Variants in HOPX observed in about 807,000 individuals in gnomAD.
HOPX encodes the protein homeodomain-only protein.
HOPX carries 5 observed loss-of-function variants against 11.8 expected under a neutral mutation model. That is an observed-to-expected ratio of 0.43 (90% confidence interval 0.22 to 0.89). The LOEUF (loss-of-function observed/expected upper bound fraction) is 0.89. HOPX is among the 40% of genes least tolerant of loss of function. The pLI is 0.28. For missense variants in HOPX, 119 were observed against 120.0 expected (o/e 0.99, Z 0.04); for synonymous variants, 49 against 49.7 (o/e 0.99, Z 0.06).
intron 3 of HOPX, among the ~76,000 whole-genome samples, chr4:56,655,574 A>G (rs1717613008): frequency 7.4e-6 from 1 of 135,934 alleles, no homozygotes. Context: ...TGCCGGGGAG[A>G]GTGGAAAAGA....
At chr4:56,673,054 T>C (rs1718826225) in intron 1 of HOPX, among the ~76,000 whole-genome samples, 1 of 152,218 alleles carries the variant, frequency 6.6e-6, no homozygotes. Flanking sequence ...CTCCTTTCCC[T>C]TTCTGTTTCC....
chr4:56,651,459 T>A (rs891625521), intron 3 of HOPX, among the ~76,000 whole-genome samples: 3 of 152,254 alleles, frequency 2.0e-5, no homozygotes, highest in African/African-American at 7.2e-5. Flanking sequence ...CAGTGCTAAT[T>A]TTCCACCTGG....
At chr4:56,675,807 T>G (rs1171450716) in intron 1 of HOPX, among the ~76,000 whole-genome samples, 2 of 151,692 alleles carry the variant, frequency 1.3e-5, no homozygotes, top group African/African-American at 2.4e-5. Context: ...CCTGTTCCCC[T>G]GTTCCCCAAG....
intron 1 of HOPX, among the ~76,000 whole-genome samples, chr4:56,668,069 C>T (rs61495428): frequency 9.9e-5 from 15 of 152,194 alleles, no homozygotes; most frequent in African/African-American, 3.6e-4. Context: ...GGACTGCAGG[C>T]GCCCACCACC....
chr4:56,681,421 G>A, upstream of HOPX: 1 of 986,228 alleles, frequency 1.0e-6, no homozygotes, highest in Non-Finnish European at 1.2e-6. Flanking sequence ...AGCGTGGGCA[G>A]GAGGTAAACC....
chr4:56,650,780 C>T (rs1311740533), intron 3 of HOPX: 2 of 1,550,586 alleles, frequency 1.3e-6, no homozygotes, highest in East Asian at 2.4e-5. Context: ...TTTCTGGGTG[C>T]CATATTTTGC....
At chr4:56,652,016 G>A (rs987658257) in intron 3 of HOPX, among the ~76,000 whole-genome samples, 2 of 152,058 alleles carry the variant, frequency 1.3e-5, no homozygotes, top group African/African-American at 4.8e-5. Flanking sequence ...AAAAGACATA[G>A]GGCTGGGATT....
intron 1 of HOPX, chr4:56,663,288 C>T (rs1204396804): frequency 6.6e-6 from 1 of 152,158 alleles, no homozygotes; most frequent in African/African-American, 2.4e-5. Flanking sequence ...ACTGAGATGA[C>T]AGCTATACTT....
intron 1 of HOPX, among the ~76,000 whole-genome samples, chr4:56,673,533 T>C (rs940662764): frequency 3.9e-5 from 6 of 152,240 alleles, no homozygotes; most frequent in Non-Finnish European, 8.8e-5. Context: ...ATGTCCTTTA[T>C]ACTGCAGCCC....
chr4:56,648,418 G>GC lies in HOPX; in HGVS notation c.*301_*302insG, dbSNP rs1716850133. ...AGCAAATTGCTACTGGGAGGTGATG[G>GC]TCAAAAGCAAACTTAGATGGTTTTC... On this transcript the variant is annotated 3_prime_UTR_variant, in exon 4 of 4. Transcript: ENST00000420433. 3.5e-6 allele frequency: 1 copy of GC among 283,768 alleles called. No homozygotes were observed. The highest frequency in any genetic ancestry group is 6.5e-6 in the Non-Finnish European group (1 of 153,378). 17.6% of individuals were successfully genotyped at this position (283,768 alleles called of 1,614,324 possible). A position where few individuals can be genotyped will look rare whatever the true frequency, so the allele number is the denominator to read the frequency against.
chr4:56,666,992 T>C (rs1718473584), intron 1 of HOPX, among the ~76,000 whole-genome samples: 1 of 152,228 alleles, frequency 6.6e-6, no homozygotes, highest in South Asian at 2.1e-4. Context: ...TTAAGAAAAT[T>C]CAGTTTTAAT....
At chr4:56,660,253 T>C (rs1718034327) in intron 1 of HOPX, among the ~76,000 whole-genome samples, 1 of 152,232 alleles carries the variant, frequency 6.6e-6, no homozygotes, top group Non-Finnish European at 1.5e-5. Context: ...AGTTACTATT[T>C]ATGTACAAAA....
intron 3 of HOPX, among the ~76,000 whole-genome samples, chr4:56,654,796 C>T (rs931089663): frequency 6.6e-6 from 1 of 152,130 alleles, no homozygotes; most frequent in African/African-American, 2.4e-5. Context: ...CTCATGGTGA[C>T]AGGACAAGTG....
At chr4:56,656,288 C>T in intron 2 of HOPX, 2 of 1,143,674 alleles carry the variant, frequency 1.7e-6, no homozygotes, top group Non-Finnish European at 2.1e-6. Context: ...CTTGCAGGAA[C>T]TGTATCCCTG....
Position 56,655,886 on chromosome 4 carries a change from C to T in HOPX, c.169G>A (p.Glu57Lys), listed in dbSNP as rs201186356. The change falls in exon 3 of 4, where the codon GAG becomes AAG. Residue 57 changes from glutamate (E) to lysine (K), a missense_variant. Coordinates refer to ENST00000420433, the MANE Select transcript of HOPX (RefSeq NM_032495.6). ...DSTTLCLIAA[E>K]AGLSEEETQK... ...GTCTCCTCCTCGGAAAGGCCTGCCTCGGCCGCGATGAGGCACAGCGTGGTG... is the reference window on the plus strand; with the variant it reads ...GTCTCCTCCTCGGAAAGGCCTGCCTTGGCCGCGATGAGGCACAGCGTGGTG... 859 of 1,611,646 alleles carry T rather than the reference C, an allele frequency of 5.3e-4. No individual in the cohort carries two copies. Among genetic ancestry groups the T allele is most frequent in the Non-Finnish European group, 7.1e-4 (838 of 1,179,070 alleles).
intron 1 of HOPX, among the ~76,000 whole-genome samples, chr4:56,665,912 T>C (rs1016682349): frequency 1.5e-4 from 23 of 152,184 alleles, no homozygotes; most frequent in African/African-American, 5.1e-4. Flanking sequence ...CTTTCCTCTT[T>C]GCACCGAACA....
chr4:56,650,588 G>T, intron 3 of HOPX: 1 of 1,343,524 alleles, frequency 7.4e-7, no homozygotes, highest in Non-Finnish European at 1.0e-6. Context: ...TGCTAAGCAG[G>T]CTGAATAGCA....
chr4:56,662,999 TC>T (rs1718233734), intron 1 of HOPX: 2 of 152,172 alleles, frequency 1.3e-5, no homozygotes, highest in Non-Finnish European at 2.9e-5. Context: ...CTTTCAGACT[TC>T]CATGCATCTC....
At chr4:56,652,556 C>T (rs1019160725) in intron 3 of HOPX, among the ~76,000 whole-genome samples, 1 of 151,892 alleles carries the variant, frequency 6.6e-6, no homozygotes, top group African/African-American at 2.4e-5. Flanking sequence ...GCTTGTAATC[C>T]CAGCACTTTG....
Sources: allele counts gnomAD v4.1 joint callset (sites outside exome capture counted in the v4.1 genomes callset), GRCh38; gene constraint gnomAD v4.1.1; transcripts MANE v1.5; gene names NCBI Gene and HGNC (gene_info 2026-07-23, HGNC 2026-07-21).